The following RDH8 variants were observed in gnomAD, a reference collection of about 807,000 sequenced individuals.
The protein encoded by RDH8 is retinol dehydrogenase 8.
A neutral mutation model predicts 22.3 loss-of-function variants in RDH8; 14 were observed. The observed-to-expected ratio is 0.63, with a 90% confidence interval of 0.42 to 0.98. RDH8 has a LOEUF of 0.98. Among genes scored for constraint, RDH8 ranks in the 50% least tolerant of loss-of-function variants. The probability of loss-of-function intolerance (pLI) is 0.00; values close to 1 mark genes in which losing one functional copy is unlikely to be tolerated. For missense variants in RDH8, 389 were observed against 409.8 expected (o/e 0.95, Z 0.44); for synonymous variants, 175 against 171.7 (o/e 1.02, Z -0.15).
intron 2 of RDH8, 24 bp from the exon 3 acceptor site, chr19:10,018,707 A>C: frequency 6.4e-7 from 1 of 1,555,688 alleles, no homozygotes; most frequent in Non-Finnish European, 8.7e-7. Context: ...ACTTTAAGGT[A>C]ACCCTTAGTA....
intron 1 of RDH8, 59 bp downstream of exon 1, chr19:10,013,659 G>A: frequency 1.3e-6 from 2 of 1,577,984 alleles, no homozygotes; most frequent in East Asian, 2.2e-5. Context: ...CCCCAGCACT[G>A]TCTCCCCTAC....
chr19:10,016,140 T>C (rs2087613480), intron 1 of RDH8, among the ~76,000 whole-genome samples: 1 of 148,716 alleles, frequency 6.7e-6, no homozygotes, highest in Non-Finnish European at 1.5e-5. Context: ...TATTTATTTA[T>C]TTATTTATTT....
intron 4 of RDH8, 199 bp downstream of exon 4, chr19:10,021,001 C>T (rs1443144917): frequency 1.1e-5 from 7 of 624,696 alleles, no homozygotes. Context: ...GCGAGACCCC[C>T]ATCTCAGCCC....
chr19:10,014,576 T>C (rs1490484909), intron 1 of RDH8, among the ~76,000 whole-genome samples: 1 of 152,212 alleles, frequency 6.6e-6, no homozygotes, highest in Non-Finnish European at 1.5e-5. Context: ...AGTCTTGCTC[T>C]GTCACCCAGG....
intron 1 of RDH8, among the ~76,000 whole-genome samples, chr19:10,015,628 CAAAA>C (rs576203480): frequency 8.3e-6 from 1 of 120,504 alleles, no homozygotes; most frequent in Non-Finnish European, 1.8e-5. Flanking sequence ...GACTCCGTCT[CAAAA>C]AAAAAAAAAA....
At position 10,021,734 on chromosome 19, in the gene RDH8, G is replaced by C; in HGVS notation, c.921G>C (p.Arg307=). 6.2e-7 allele frequency: 1 copy of C among 1,613,608 alleles called. No individual in the cohort carries two copies. The highest frequency in any genetic ancestry group is 1.1e-5 in the South Asian group (1 of 91,080). ...TGTCCTGCGGCTGCCTCCCAACGCG[G>C]GTGCGGCCAAGATGAGCAGAACAGA... ...QCLSCGCLPT[R]VRPR Residue 307 remains arginine, a synonymous_variant, in exon 6 of 6, where the codon CGG becomes CGC. Transcript: ENST00000591589.
rs186474053 is a variant in RDH8, at chr19:10,014,032, G to A, written c.103+432G>A. On this transcript the variant is annotated intron_variant, in intron 1 of 5. Coordinates refer to ENST00000591589, the MANE Select transcript of RDH8 (RefSeq NM_015725.4). ...ACTACCCTGATGCTCACTCTTCCAC[G>A]TCTCCCCAGATTATTGCTTTTACTG... is the stretch of plus-strand genomic sequence containing the variant. Among the ~76,000 whole-genome samples the A allele has an allele frequency of 2.0e-3, 310 of 152,170 alleles. 1 individual carries two copies. The highest frequency in any genetic ancestry group is 3.6e-3 in the African/African-American group (148 of 41,484).
At chr19:10,021,480 G>A (rs2145169860) in intron 5 of RDH8, 42 bp downstream of exon 5, 1 of 1,613,970 alleles carries the variant, frequency 6.2e-7, no homozygotes, top group East Asian at 2.2e-5. Flanking sequence ...GCTCAGGTAT[G>A]TTGCGGGGTG....
intron 1 of RDH8, among the ~76,000 whole-genome samples, chr19:10,016,044 TC>T (rs1219447217): frequency 6.6e-6 from 1 of 152,016 alleles, no homozygotes; most frequent in East Asian, 1.9e-4. Context: ...TGCATTTTTT[TC>T]ATGGCAATCT....
At chr19:10,014,634 G>C (rs941930549) in intron 1 of RDH8, among the ~76,000 whole-genome samples, 1 of 152,066 alleles carries the variant, frequency 6.6e-6, no homozygotes, top group African/African-American at 2.4e-5. Flanking sequence ...CACTTCCCAC[G>C]TTCAAGTGAT....
intron 4 of RDH8, 168 bp from the exon 5 acceptor site, chr19:10,021,087 T>C (rs2087654600): frequency 1.5e-6 from 1 of 668,694 alleles, no homozygotes; most frequent in Admixed American, 2.9e-5. Context: ...AGGCGGAGGA[T>C]TGTTTGAACC....
At chr19:10,014,775 G>C (rs1451046364) in intron 1 of RDH8, among the ~76,000 whole-genome samples, 1 of 152,116 alleles carries the variant, frequency 6.6e-6, no homozygotes, top group Non-Finnish European at 1.5e-5. Flanking sequence ...GGTCTCAGGT[G>C]ATCTGCCTGC....
At position 10,021,611 on chromosome 19, in the gene RDH8, G is replaced by T. The variant is rs771576030; in HGVS notation, c.798G>T (p.Thr266=). The T allele has an allele frequency of 6.2e-7, 1 of 1,613,464 alleles. No individual in the cohort carries two copies. The highest frequency in any genetic ancestry group is 1.3e-5 in the African/African-American group (1 of 74,888). ...QTNIRYSPLT[T]LKTVDSSGSL... is the part of the protein sequence containing the mutation. ...ACATCCGCTACTCGCCGCTGACCAC[G>T]CTCAAAACCGTGGATTCCTCTGGCA... is the stretch of plus-strand genomic sequence containing the variant. The change falls in exon 6 of 6, where the codon ACG becomes ACT. Residue 266 remains threonine (T), a synonymous_variant. Transcript: ENST00000591589.
At position 10,021,403 on chromosome 19, in the gene RDH8, T is replaced by C. The variant is rs1490904634; in HGVS notation, c.685T>C (p.Cys229Arg). Residue 229 changes from cysteine (C) to arginine (R), a missense_variant, in exon 5 of 6, where the codon TGC (cysteine) becomes CGC (arginine). Cys to Arg is a radical substitution (Grantham distance 180). Transcript: ENST00000591589. ...TCTCCCAGCCTCCAGGAAGCTGTTT[T>C]GCTCCGTGGGACAGAACCCACAGGA... The part of the protein sequence containing the change: ...LYLPASRKLF[C>R]SVGQNPQDVV... 6.2e-7 allele frequency: 1 copy of C among 1,613,940 alleles called. No homozygotes were observed. Among genetic ancestry groups the C allele is most frequent in the African/African-American group, 1.3e-5 (1 of 74,878 alleles).
intron 1 of RDH8, among the ~76,000 whole-genome samples, chr19:10,014,017 T>TCA (rs984887833): frequency 2.6e-5 from 4 of 152,006 alleles, no homozygotes; most frequent in African/African-American, 9.7e-5. Context: ...ACTACCCTGA[T>TCA]GCTCACTCTT....
intron 1 of RDH8, among the ~76,000 whole-genome samples, chr19:10,014,681 G>A (rs1322208698): frequency 6.6e-6 from 1 of 152,018 alleles, no homozygotes; most frequent in Non-Finnish European, 1.5e-5. Context: ...TGGGATTAAG[G>A]CATGCACCAC....
At position 10,017,196 on chromosome 19, in the gene RDH8, G is replaced by C. The variant is rs770776263; in HGVS notation, c.243G>C (p.Gln81His). 8 of 1,599,710 alleles carry C rather than the reference G, an allele frequency of 5.0e-6. No homozygotes were observed. The East Asian group carries it at 1.8e-4, about 36-fold the overall frequency. ...ESVAQCLSCIQGEVDVLVNNA... is the reference protein window; with the variant it reads ...ESVAQCLSCIHGEVDVLVNNA... ...TGGCCCAGTGTCTCAGCTGTATCCA[G>C]GGAGAAGTGGACGTGCTGGGTGAGA... Residue 81 changes from glutamine (Q) to histidine (H), a missense_variant, in exon 2 of 6, where the codon CAG becomes CAC. Coordinates refer to ENST00000591589, the MANE Select transcript of RDH8 (RefSeq NM_015725.4).
Position 10,021,861 on chromosome 19 carries a change from C to A in RDH8, c.*112C>A, listed in dbSNP as rs887936246. On this transcript the variant is annotated 3_prime_UTR_variant, in exon 6 of 6. Transcript: ENST00000591589. Reference sequence around the variant, plus strand: ...TTATTCATTCTGCAAACTCCCCCTCCCCTCCTCTGTGCCTAGACATGGCTA... The same window carrying A: ...TTATTCATTCTGCAAACTCCCCCTCACCTCCTCTGTGCCTAGACATGGCTA... 1.3e-5 allele frequency: 15 copies of A among 1,123,744 alleles called. No individual in the cohort carries two copies. The Admixed American group carries it at 2.6e-4, about 19-fold the overall frequency. The allele number at this position is 1,123,744 out of a possible 1,614,324, so 69.6% of individuals were successfully genotyped here.
Position 10,021,438 on chromosome 19 carries a change from G to A in RDH8, c.720G>A (p.Gln240=), listed in dbSNP as rs2087658138. ...SVGQNPQDVV[Q]AIVNVISSTR... Reference sequence around the variant, plus strand: ...GACAGAACCCACAGGACGTGGTTCAGGTGAGTGAAGGGCCCAGAGCCCCAA... The same window carrying A: ...GACAGAACCCACAGGACGTGGTTCAAGTGAGTGAAGGGCCCAGAGCCCCAA... The change falls in exon 5 of 6, where the codon CAG becomes CAA. Residue 240 remains glutamine, a splice_region_variant and synonymous_variant. Coordinates refer to ENST00000591589, the MANE Select transcript of RDH8 (RefSeq NM_015725.4). The A allele has an allele frequency of 6.2e-7, 1 of 1,614,154 alleles. No individual in the cohort carries two copies. The highest frequency in any genetic ancestry group is 8.5e-7 in the Non-Finnish European group (1 of 1,180,018).
Sources: gnomAD v4.1 joint callset for allele counts (sites outside exome capture counted in the v4.1 genomes callset) on GRCh38, gnomAD v4.1.1 for gene constraint, MANE v1.5 for transcripts, NCBI Gene and HGNC (gene_info 2026-07-23, HGNC 2026-07-21) for gene names.